Variants in CCNT2 observed in about 807,000 individuals in gnomAD.
The protein encoded by CCNT2 is cyclin T2.
CCNT2 carries 18 observed loss-of-function variants against 70.0 expected under a neutral mutation model. The ratio of observed to expected loss-of-function variants is 0.26; its 90% CI spans 0.18 to 0.38. CCNT2 has a LOEUF of 0.38. Among genes scored for constraint, CCNT2 ranks in the 10% least tolerant of loss-of-function variants. The probability of loss-of-function intolerance (pLI) is 1.00; values close to 1 mark genes in which losing one functional copy is unlikely to be tolerated. For synonymous variants in CCNT2, 334 were observed against 313.3 expected, an observed-to-expected ratio of 1.07 and a Z score of -0.70; for missense variants, 734 against 890.2, an observed-to-expected ratio of 0.82 and a Z score of 2.23.
intron 2 of CCNT2, among the ~76,000 whole-genome samples, chr2:134,929,160 TCAAAA>T (rs1371903768): frequency 5.9e-5 from 9 of 152,364 alleles, no homozygotes; most frequent in Admixed American, 3.3e-4. Context: ...ATTGATATTC[TCAAAA>T]CAAAACCTGA....
intron 5 of CCNT2, 199 bp downstream of exon 5, chr2:134,942,873 A>G: frequency 2.2e-6 from 3 of 1,363,212 alleles, no homozygotes; most frequent in Non-Finnish European, 2.8e-6. Flanking sequence ...GCTTCCTTTA[A>G]ACATAGGTAA....
chr2:134,948,432 G>A (rs1313117361), intron 7 of CCNT2, among the ~76,000 whole-genome samples: 1 of 152,242 alleles, frequency 6.6e-6, no homozygotes, highest in African/African-American at 2.4e-5. Flanking sequence ...TTTTAAATGT[G>A]TATACTGAAA....
chr2:134,950,570 A>G (rs1441925536), intron 7 of CCNT2, among the ~76,000 whole-genome samples: 1 of 152,122 alleles, frequency 6.6e-6, no homozygotes, highest in Non-Finnish European at 1.5e-5. Context: ...CTGAGACGTC[A>G]AGGTTGTAGT....
intron 2 of CCNT2, among the ~76,000 whole-genome samples, chr2:134,931,115 G>A (rs1008884729): frequency 6.6e-5 from 10 of 151,366 alleles, no homozygotes; most frequent in African/African-American, 9.7e-5. Context: ...GGTGCCTGCC[G>A]CCACGCCCGG....
chr2:134,952,508 A>G (rs1162020214), intron 7 of CCNT2, 133 bp from the exon 8 acceptor site: 7 of 533,238 alleles, frequency 1.3e-5, no homozygotes, highest in African/African-American at 1.2e-4. Flanking sequence ...ACTTCTGTGT[A>G]TGCTGAGGAT....
intron 2 of CCNT2, among the ~76,000 whole-genome samples, chr2:134,921,340 C>G (rs545324143): frequency 6.7e-6 from 1 of 148,360 alleles, no homozygotes; most frequent in East Asian, 2.0e-4. Context: ...GTCTTCACTT[C>G]TTTTATTTAT....
At chr2:134,925,859 CTTTTTTTTTTT>C (rs3041372) in intron 2 of CCNT2, among the ~76,000 whole-genome samples, 2 of 85,266 alleles carry the variant, frequency 2.3e-5, no homozygotes, top group Admixed American at 3.0e-4. Context: ...GGATAGCTGC[CTTTTTTTTTTT>C]TTTTTTTTTT....
intron 2 of CCNT2, among the ~76,000 whole-genome samples, chr2:134,929,238 T>A (rs1680538252): frequency 6.6e-6 from 1 of 152,192 alleles, no homozygotes. Context: ...ATATTGTTTA[T>A]TAGTATTTGT....
At chr2:134,949,170 G>A (rs1342630515) in intron 7 of CCNT2, among the ~76,000 whole-genome samples, 1 of 152,136 alleles carries the variant, frequency 6.6e-6, no homozygotes, top group African/African-American at 2.4e-5. Flanking sequence ...ATAGGCGCAT[G>A]CCACCACGCC....
At position 134,947,807 on chromosome 2, in the gene CCNT2, G is replaced by T; in HGVS notation, c.611G>T (p.Cys204Phe). 1 of 1,562,148 alleles carries T rather than the reference G, an allele frequency of 6.4e-7. No homozygotes were observed. Among genetic ancestry groups the T allele is most frequent in the Non-Finnish European group, 8.7e-7 (1 of 1,143,222 alleles). Reference protein sequence around the residue: ...VIACVCIHLACKWSNWEIPVS... With the variant: ...VIACVCIHLAFKWSNWEIPVS... ...GCATGTGTATGCATTCATTTGGCTT[G>T]CAAATGGTCCAATTGGGAGATCCCT... Residue 204 changes from cysteine (C) to phenylalanine (F), a missense_variant, in exon 7 of 9, where the codon TGC (cysteine) becomes TTC (phenylalanine). Cys to Phe is a radical substitution (Grantham distance 205, BLOSUM62 -2). Around this residue, in one of 3 missense-constraint regions of CCNT2, gnomAD observed 161 missense variants for 303.8 expected, o/e 0.53. Transcript: ENST00000264157.
Position 134,954,687 on chromosome 2 carries a change from T to A in CCNT2, c.*39T>A. 7.3e-7 allele frequency: 1 copy of A among 1,375,116 alleles called. No homozygotes were observed. The highest frequency in any genetic ancestry group is 1.0e-6 in the Non-Finnish European group (1 of 981,802). The allele number at this position is 1,375,116 out of a possible 1,614,324, so 85.2% of individuals were successfully genotyped here. ...TCAATTTTTCCTTTACTTTTTTAAT[T>A]TAAAAATTGTTAGAATGGAAAAATT... On this transcript the variant is annotated 3_prime_UTR_variant, in exon 9 of 9. Coordinates refer to ENST00000264157, the MANE Select transcript of CCNT2 (RefSeq NM_058241.3).
Position 134,953,782 on chromosome 2 carries a change from C to T in CCNT2, c.1327C>T (p.Arg443Cys), listed in dbSNP as rs769555288. 8 of 1,613,716 alleles carry T rather than the reference C, an allele frequency of 5.0e-6. No homozygotes were observed. The highest frequency in any genetic ancestry group is 2.7e-5 in the African/African-American group (2 of 74,866). ...KMSLDKYREK[R>C]KLETLDLDVR... ...GTCTTTAGATAAATATAGAGAAAAG[C>T]GTAAACTAGAAACTCTTGATCTCGA... Residue 443 changes from arginine (R) to cysteine (C), a missense_variant, in exon 9 of 9, where the codon CGT (arginine) becomes TGT (cysteine). Arg to Cys is a radical substitution (Grantham distance 180). This residue lies in a region of CCNT2 where 532 missense variants were observed against 556.9 expected (regional missense o/e 0.96). Coordinates refer to ENST00000264157, the MANE Select transcript of CCNT2 (RefSeq NM_058241.3).
rs546574840 is a variant in CCNT2 at position 134,930,618 on chromosome 2, A to G, written c.241-6223A>G. ...TTGAGGAACTGCCGAACTGTTTTCC[A>G]AAGTAGCCATACCATTTTGTGTTCT... On this transcript the variant is annotated intron_variant, in intron 2 of 8. Coordinates refer to ENST00000264157, the MANE Select transcript of CCNT2 (RefSeq NM_058241.3). Among the ~76,000 whole-genome samples, 3 of 152,324 alleles carry G rather than the reference A, an allele frequency of 2.0e-5. No homozygotes were observed. In the South Asian group the frequency reaches 6.2e-4, roughly 32 times the overall value.
intron 4 of CCNT2, among the ~76,000 whole-genome samples, chr2:134,939,885 A>G (rs1006037698): frequency 6.6e-5 from 10 of 152,180 alleles, no homozygotes; most frequent in African/African-American, 2.4e-4. Context: ...CAATTTACTG[A>G]AATTGAGGCC....
intron 2 of CCNT2, among the ~76,000 whole-genome samples, chr2:134,932,971 ATATT>A (rs978181845): frequency 6.6e-6 from 1 of 152,230 alleles, no homozygotes; most frequent in Non-Finnish European, 1.5e-5. Context: ...AGCTTGCTGA[ATATT>A]TATTAATGAA....
At chr2:134,924,396 T>C (rs1039524741) in intron 2 of CCNT2, among the ~76,000 whole-genome samples, 2 of 152,200 alleles carry the variant, frequency 1.3e-5, no homozygotes, top group South Asian at 2.1e-4. Flanking sequence ...TACCCCGGAA[T>C]GTCTCCACGT....
intron 7 of CCNT2, among the ~76,000 whole-genome samples, chr2:134,949,802 C>CGTG (rs1553525573): frequency 2.0e-5 from 1 of 48,898 alleles, no homozygotes; most frequent in Non-Finnish European, 4.3e-5. Context: ...ATTTTTTTTT[C>CGTG]GGGGGGGGGG....
At chr2:134,935,177 A>G (rs909121012) in intron 2 of CCNT2, among the ~76,000 whole-genome samples, 3 of 152,230 alleles carry the variant, frequency 2.0e-5, no homozygotes, top group African/African-American at 7.2e-5. Flanking sequence ...GAGCATTCTC[A>G]ATTTTTCTAA....
intron 2 of CCNT2, among the ~76,000 whole-genome samples, chr2:134,933,655 C>G (rs1333520567): frequency 6.6e-6 from 1 of 152,034 alleles, no homozygotes; most frequent in Non-Finnish European, 1.5e-5. Context: ...TGCAGCAGGA[C>G]CCTCCAAGAA....
Sources: allele counts gnomAD v4.1 joint callset (sites outside exome capture counted in the v4.1 genomes callset), GRCh38; gene constraint gnomAD v4.1.1; regional missense constraint gnomAD v4.1.1; transcripts MANE v1.5; gene names NCBI Gene and HGNC (gene_info 2026-07-23, HGNC 2026-07-21).